Variants in ME3 observed in about 807,000 individuals in gnomAD.
ME3 encodes malic enzyme 3, also known as NADP-dependent malic enzyme, mitochondrial.
In ME3, 48 loss-of-function variants were observed where a neutral mutation model predicts 68.9. That is an observed-to-expected ratio of 0.70 (90% confidence interval 0.55 to 0.89). The LOEUF is 0.89. Among genes scored for constraint, ME3 ranks in the 40% least tolerant of loss-of-function variants. ME3 has a pLI of 0.00. For missense variants in ME3, 675 were observed against 797.4 expected, an observed-to-expected ratio of 0.85 and a Z score of 1.85; for synonymous variants, 320 against 318.8, an observed-to-expected ratio of 1.00 and a Z score of -0.04.
At chr11:86,470,797 G>T (rs1367533119) in intron 7 of ME3, among the ~76,000 whole-genome samples, 3 of 152,042 alleles carry the variant, frequency 2.0e-5, no homozygotes, top group Admixed American at 6.5e-5. Context: ...GGACCCTACA[G>T]TGACTGATTT....
At chr11:86,624,983 A>G (rs2135286463) in intron 2 of ME3, among the ~76,000 whole-genome samples, 1 of 152,336 alleles carries the variant, frequency 6.6e-6, no homozygotes, top group South Asian at 2.1e-4. Context: ...GGAGTTGGCA[A>G]ATGACATGCT....
intron 8 of ME3, chr11:86,464,071 C>T: frequency 2.3e-6 from 1 of 441,556 alleles, no homozygotes; most frequent in Non-Finnish European, 4.5e-6. Context: ...TCTTTTAGAT[C>T]TATCCCTGAC....
chr11:86,519,863 G>A (rs561607786), intron 4 of ME3, among the ~76,000 whole-genome samples: 10 of 152,368 alleles, frequency 6.6e-5, no homozygotes, highest in African/African-American at 2.4e-4. Context: ...CCATGCCTTG[G>A]AAGAGCTTTA....
rs1384982487 is a variant in ME3 at position 86,559,721 on chromosome 11, ATC to A, written c.284_285del (p.Arg95IlefsTer8). ...AGGTCACTCTGCTGCCGCTCGTAAT[ATC>A]TCATGATTCGGAGGAGCTGGACGTC... is the stretch of plus-strand genomic sequence containing the variant. On this transcript the variant is annotated frameshift_variant, in exon 3 of 15. Coordinates refer to ENST00000543262, the Ensembl canonical transcript of ME3. LOFTEE classifies it high-confidence loss of function. The A allele has an allele frequency of 1.9e-6, 3 of 1,613,816 alleles. No homozygotes were observed. In the African/African-American group the frequency reaches 4.0e-5, roughly 22 times the overall value.
intron 2 of ME3, among the ~76,000 whole-genome samples, chr11:86,655,819 A>G (rs988283984): frequency 5.9e-5 from 9 of 152,038 alleles, no homozygotes; most frequent in Middle Eastern, 3.4e-3. Context: ...GCAACCTACA[A>G]AATGGGAGAA....
At chr11:86,514,558 C>T (rs1357947451) in intron 4 of ME3, among the ~76,000 whole-genome samples, 1 of 152,156 alleles carries the variant, frequency 6.6e-6, no homozygotes, top group African/African-American at 2.4e-5. Context: ...TGATGGTTCA[C>T]AGAAATGTTA....
intron 2 of ME3, among the ~76,000 whole-genome samples, chr11:86,635,135 A>G (rs755676940): frequency 2.6e-5 from 4 of 152,162 alleles, no homozygotes; most frequent in Non-Finnish European, 5.9e-5. Context: ...TGAAATCCCT[A>G]CAAAAATTAG....
At chr11:86,457,131 C>T (rs1387912033) in intron 8 of ME3, among the ~76,000 whole-genome samples, 2 of 152,222 alleles carry the variant, frequency 1.3e-5, no homozygotes, top group Non-Finnish European at 2.9e-5. Flanking sequence ...ATTATTCCCA[C>T]TCCTATTTCC....
intron 5 of ME3, among the ~76,000 whole-genome samples, chr11:86,502,137 T>C (rs2446229): frequency 0.75 from 113,703 of 152,164 alleles, 43,029 homozygotes; most frequent in Non-Finnish European, 0.8. Context: ...TGTATAAGGC[T>C]TGTACTTTCT....
intron 2 of ME3, among the ~76,000 whole-genome samples, chr11:86,597,468 G>A (rs867598740): frequency 2.6e-5 from 4 of 152,174 alleles, no homozygotes; most frequent in Non-Finnish European, 5.9e-5. Context: ...CACACATCTT[G>A]TTGTTGGAAA....
intron 2 of ME3, among the ~76,000 whole-genome samples, chr11:86,600,470 C>G (rs559183217): frequency 6.6e-6 from 1 of 151,586 alleles, no homozygotes; most frequent in African/African-American, 2.4e-5. Flanking sequence ...GAGTGACCTA[C>G]AAAGAGACTT....
In ME3 at chr11:86,625,211, C is replaced by T. The variant is rs1015431962; in HGVS notation, c.183+46551G>A. 1.6e-4 allele frequency among the ~76,000 whole-genome samples: 24 copies of T among 152,160 alleles called. 1 individual carries two copies. The South Asian group carries it at 2.7e-3, about 17-fold the overall frequency. ...CTCACCAGACAGTAACTATCGTTAACAAAGTATGTCCGAGAAAGCTTGGGT... is the reference window on the plus strand; with the variant it reads ...CTCACCAGACAGTAACTATCGTTAATAAAGTATGTCCGAGAAAGCTTGGGT... On this transcript the variant is annotated intron_variant, in intron 2 of 14. Coordinates refer to ENST00000543262, the Ensembl canonical transcript of ME3.
At chr11:86,520,348 G>C (rs767080856) in intron 4 of ME3, among the ~76,000 whole-genome samples, 1 of 152,208 alleles carries the variant, frequency 6.6e-6, no homozygotes. Flanking sequence ...CATGCATTCT[G>C]CTTTGCGCCA....
chr11:86,565,287 T>A (rs761711229), intron 2 of ME3, among the ~76,000 whole-genome samples: 3 of 152,210 alleles, frequency 2.0e-5, no homozygotes, highest in Non-Finnish European at 2.9e-5. Context: ...CTGGTGAGAA[T>A]GTAAAATATT....
intron 2 of ME3, among the ~76,000 whole-genome samples, chr11:86,640,249 A>G (rs1283875966): frequency 6.6e-6 from 1 of 152,220 alleles, no homozygotes; most frequent in African/African-American, 2.4e-5. Flanking sequence ...CAGAGAGTTC[A>G]AGCTTGGTGA....
intron 2 of ME3, among the ~76,000 whole-genome samples, chr11:86,625,760 T>C (rs1228524201): frequency 6.6e-6 from 1 of 152,216 alleles, no homozygotes; most frequent in Non-Finnish European, 1.5e-5. Flanking sequence ...TAAGAGGCTC[T>C]GTAGTATAGT....
chr11:86,546,423 A>G (rs1195650364), intron 4 of ME3, among the ~76,000 whole-genome samples: 1 of 152,218 alleles, frequency 6.6e-6, no homozygotes, highest in African/African-American at 2.4e-5. Flanking sequence ...CATCTGACAA[A>G]GGGCTAATAT....
intron 2 of ME3, among the ~76,000 whole-genome samples, chr11:86,582,596 T>C (rs565769579): frequency 6.6e-6 from 1 of 152,226 alleles, no homozygotes; most frequent in South Asian, 2.1e-4. Flanking sequence ...TGCTGACTTA[T>C]TAGTAAAGAT....
At chr11:86,659,886 A>C (rs1946166004) in intron 2 of ME3, among the ~76,000 whole-genome samples, 1 of 152,188 alleles carries the variant, frequency 6.6e-6, no homozygotes. Flanking sequence ...ATCGATAGAT[A>C]GATCCAAATT....
Sources: gnomAD v4.1 joint callset for allele counts (sites outside exome capture counted in the v4.1 genomes callset) on GRCh38, gnomAD v4.1.1 for gene constraint, MANE v1.5 for transcripts, NCBI Gene and HGNC (gene_info 2026-07-23, HGNC 2026-07-21) for gene names.